COG5: variants seen among roughly 807,000 people sequenced by gnomAD.
COG5 encodes component of oligomeric golgi complex 5.
A neutral mutation model predicts 110.4 loss-of-function variants in COG5; 86 were observed. The ratio of observed to expected loss-of-function variants is 0.78; its 90% CI spans 0.65 to 0.93. The LOEUF (loss-of-function observed/expected upper bound fraction) is 0.93, where lower values mean the gene tolerates loss of function less well. Among genes scored for constraint, COG5 ranks in the 40% least tolerant of loss-of-function variants. The pLI is 0.00. For synonymous variants in COG5, 360 were observed against 334.6 expected, an observed-to-expected ratio of 1.08 and a Z score of -0.83; for missense variants, 1,077 against 987.0, an observed-to-expected ratio of 1.09 and a Z score of -1.22.
At chr7:107,224,111 C>T (rs886946505) in intron 19 of COG5, among the ~76,000 whole-genome samples, 1 of 152,108 alleles carries the variant, frequency 6.6e-6, no homozygotes. Context: ...TTAAGAATCC[C>T]GAAACCTCAG....
intron 10 of COG5, among the ~76,000 whole-genome samples, chr7:107,329,266 A>C (rs898505658): frequency 2.0e-5 from 3 of 152,224 alleles, no homozygotes; most frequent in Non-Finnish European, 4.4e-5. Flanking sequence ...TGTACTAAGA[A>C]GGACACATAG....
intron 6 of COG5, among the ~76,000 whole-genome samples, chr7:107,438,234 T>G (rs897923883): frequency 5.9e-5 from 9 of 152,224 alleles, no homozygotes. Flanking sequence ...TATCCTCCAC[T>G]CTTTTCTACC....
chr7:107,552,193 C>T (rs929592202), intron 3 of COG5, among the ~76,000 whole-genome samples: 7 of 152,112 alleles, frequency 4.6e-5, no homozygotes, highest in Non-Finnish European at 1.0e-4. Context: ...ACCATGCCAT[C>T]CTTATTAATA....
At chr7:107,462,689 C>A (rs1318188591) in intron 6 of COG5, among the ~76,000 whole-genome samples, 1 of 150,846 alleles carries the variant, frequency 6.6e-6, no homozygotes, top group Non-Finnish European at 1.5e-5. Context: ...GGGTGGGACA[C>A]TGATTGAAGT....
At chr7:107,225,252 A>G (rs1367898908) in intron 19 of COG5, among the ~76,000 whole-genome samples, 1 of 151,828 alleles carries the variant, frequency 6.6e-6, no homozygotes. Flanking sequence ...TTTCTTGTCA[A>G]CTCACGCCTG....
chr7:107,416,029 T>G (rs1364738834), intron 6 of COG5, among the ~76,000 whole-genome samples: 1 of 149,588 alleles, frequency 6.7e-6, no homozygotes, highest in African/African-American at 2.4e-5. Context: ...TGTATATATG[T>G]GTGTATATAT....
chr7:107,394,988 A>G (rs1389438896), intron 7 of COG5, among the ~76,000 whole-genome samples: 1 of 152,236 alleles, frequency 6.6e-6, no homozygotes, highest in Non-Finnish European at 1.5e-5. Flanking sequence ...AATTTAGCTC[A>G]TGTTGCTCTG....
intron 7 of COG5, among the ~76,000 whole-genome samples, chr7:107,374,559 C>G (rs2129050810): frequency 6.6e-6 from 1 of 152,048 alleles, no homozygotes; most frequent in Non-Finnish European, 1.5e-5. Flanking sequence ...CTTAAAACAC[C>G]TAGCTAAAAT....
Position 107,476,183 on chromosome 7 carries a change from TTAAAAAA to T in COG5, c.538+51047_538+51053del, listed in dbSNP as rs1317533206. 4.2e-4 allele frequency among the ~76,000 whole-genome samples: 36 copies of T among 86,486 alleles called. 1 individual carries two copies. The South Asian group carries it at 5.9e-3, about 14-fold the overall frequency. 56.7% of individuals were successfully genotyped at this position (86,486 alleles called of 152,430 possible). On this transcript the variant is annotated intron_variant, in intron 6 of 21. Coordinates refer to ENST00000297135, the MANE Select transcript of COG5 (RefSeq NM_006348.5). ...TCTGGATTAATATAGTGCAATGATT[TTAAAAAA>T]AAAAAAAAAAAAAAAAAGAACAGTA...
At position 107,270,405 on chromosome 7, in the gene COG5, A is replaced by G. The variant is rs188470863; in HGVS notation, c.1575+10895T>C. Among the ~76,000 whole-genome samples the G allele has an allele frequency of 1.2e-3, 179 of 151,932 alleles. 2 individuals carry two copies. The highest frequency in any genetic ancestry group is 4.1e-3 in the African/African-American group (170 of 41,434). On this transcript the variant is annotated intron_variant, in intron 14 of 21. Coordinates refer to ENST00000297135, the MANE Select transcript of COG5 (RefSeq NM_006348.5). ...GCTTCCCAAGTATCTGGGACATCAG[A>G]TATGTGCCACCACATCCTGCTAATT...
chr7:107,368,473 C>T (rs558382989), intron 8 of COG5, among the ~76,000 whole-genome samples: 13 of 152,070 alleles, frequency 8.5e-5, no homozygotes, highest in Middle Eastern at 3.4e-3. Flanking sequence ...GTGATTGGTA[C>T]GGAGTACATA....
At chr7:107,561,882 A>C (rs1803803412) in intron 1 of COG5, among the ~76,000 whole-genome samples, 1 of 152,148 alleles carries the variant, frequency 6.6e-6, no homozygotes, top group Admixed American at 6.5e-5. Flanking sequence ...AGGCTGAGCC[A>C]GGAGAATGGC....
Position 107,202,982 on chromosome 7 carries a change from T to C in COG5, c.*534A>G, listed in dbSNP as rs1168846506. On this transcript the variant is annotated 3_prime_UTR_variant, in exon 22 of 22. Transcript: ENST00000297135. ...GAATCATTTTGGGGATTTTTTTTTTTTTTAATAGTGGTGTCTGTCAGGCTC... is the reference window on the plus strand; with the variant it reads ...GAATCATTTTGGGGATTTTTTTTTTCTTTAATAGTGGTGTCTGTCAGGCTC... The C allele has an allele frequency of 6.5e-6, 1 of 153,120 alleles. No homozygotes were observed. The highest frequency in any genetic ancestry group is 1.9e-4 in the East Asian group (1 of 5,208). 9.5% of individuals were successfully genotyped at this position (153,120 alleles called of 1,614,324 possible).
At chr7:107,226,548 G>A (rs1257151916) in intron 19 of COG5, among the ~76,000 whole-genome samples, 3 of 152,190 alleles carry the variant, frequency 2.0e-5, no homozygotes, top group Non-Finnish European at 4.4e-5. Context: ...CGCCACATGG[G>A]TAAGCTTTCT....
chr7:107,389,718 T>C (rs1184953646), intron 7 of COG5, among the ~76,000 whole-genome samples: 1 of 152,104 alleles, frequency 6.6e-6, no homozygotes, highest in Non-Finnish European at 1.5e-5. Flanking sequence ...CAATCAGCAT[T>C]TCATTGCCAC....
chr7:107,484,360 A>G (rs1393375829), intron 6 of COG5, among the ~76,000 whole-genome samples: 2 of 152,126 alleles, frequency 1.3e-5, no homozygotes, highest in African/African-American at 4.8e-5. Context: ...GCTCCTTATG[A>G]TTTCTTTTTA....
chr7:107,287,801 TCA>T (rs1259296731), intron 12 of COG5, among the ~76,000 whole-genome samples: 2 of 152,164 alleles, frequency 1.3e-5, no homozygotes, highest in African/African-American at 2.4e-5. Flanking sequence ...TTTTCAAGGT[TCA>T]TCCATGTTGC....
chr7:107,334,213 T>A (rs1264073118), intron 10 of COG5, among the ~76,000 whole-genome samples: 2 of 152,100 alleles, frequency 1.3e-5, no homozygotes, highest in African/African-American at 4.8e-5. Context: ...AGAATACTAT[T>A]CAGCCATAAA....
intron 14 of COG5, among the ~76,000 whole-genome samples, chr7:107,264,152 A>T (rs1803599874): frequency 6.6e-6 from 1 of 152,170 alleles, no homozygotes; most frequent in Non-Finnish European, 1.5e-5. Context: ...ATGCATATAG[A>T]AGACATCAAT....
Sources: gnomAD v4.1 joint callset for allele counts (sites outside exome capture counted in the v4.1 genomes callset) on GRCh38, gnomAD v4.1.1 for gene constraint, MANE v1.5 for transcripts, NCBI Gene and HGNC (gene_info 2026-07-23, HGNC 2026-07-21) for gene names.